Variants in TRPC5 observed in about 807,000 individuals in gnomAD.
The protein encoded by TRPC5 is short transient receptor potential channel 5.
TRPC5 carries 9 observed loss-of-function variants against 56.5 expected under a neutral mutation model. That is an observed-to-expected ratio of 0.16 (90% CI 0.10 to 0.28). TRPC5 has a LOEUF of 0.28. Among genes scored for constraint, TRPC5 ranks in the 10% least tolerant of loss-of-function variants. The pLI is 1.00. For missense variants in TRPC5, 469 were observed against 748.9 expected, an observed-to-expected ratio of 0.63 and a Z score of 4.36; for synonymous variants, 282 against 278.5, an observed-to-expected ratio of 1.01 and a Z score of -0.13.
chrX:112,018,966 T>C (rs1929197305), intron 1 of TRPC5, among the ~76,000 whole-genome samples: 1 of 112,687 alleles, frequency 8.9e-6, no homozygotes, highest in South Asian at 3.6e-4. Context: ...GTTTGCTTTC[T>C]TCCAAGTCAG....
At chrX:111,800,703 G>A (rs963282159) in intron 7 of TRPC5, among the ~76,000 whole-genome samples, 41 of 109,361 alleles carry the variant, frequency 3.7e-4, no homozygotes, top group African/African-American at 1.3e-3. Context: ...GCAGTGAGCC[G>A]AGATCATGCC....
At chrX:111,818,850 C>T (rs994298480) in intron 7 of TRPC5, among the ~76,000 whole-genome samples, 6 of 111,138 alleles carry the variant, frequency 5.4e-5, no homozygotes, top group African/African-American at 2.0e-4. Flanking sequence ...GTGATCCACC[C>T]GCCTCAGCCT....
intron 3 of TRPC5, among the ~76,000 whole-genome samples, chrX:111,893,078 G>A (rs1251292326): frequency 1.0e-5 from 1 of 98,587 alleles, no homozygotes; most frequent in Non-Finnish European, 2.0e-5. Flanking sequence ...TCAAATATAG[G>A]GTTTTTTTTT....
At chrX:111,994,550 C>T (rs1312604534) in intron 1 of TRPC5, among the ~76,000 whole-genome samples, 1 of 111,636 alleles carries the variant, frequency 9.0e-6, no homozygotes, top group Non-Finnish European at 1.9e-5. Context: ...GAATATTCTT[C>T]CATTTGTTTG....
At chrX:112,070,811 T>C (rs1373665636) in intron 1 of TRPC5, among the ~76,000 whole-genome samples, 2 of 110,098 alleles carry the variant, frequency 1.8e-5, no homozygotes, top group African/African-American at 6.7e-5. Context: ...TTCAAAAGTA[T>C]AGTTTCTATT....
Position 111,890,259 on chromosome X carries a change from C to T in TRPC5, c.900+22032G>A, listed in dbSNP as rs189563056. Among the ~76,000 whole-genome samples the T allele has an allele frequency of 3.4e-3, 375 of 111,803 alleles. 2 individuals are homozygous for T. The highest frequency in any genetic ancestry group is 0.012 in the African/African-American group (365 of 30,790). Reference sequence around the variant, plus strand: ...AAAGCAAGCTTGTCCAACCTGTGGCCCAGGACAGCTTTGAATACGGCCCAA... The same window carrying T: ...AAAGCAAGCTTGTCCAACCTGTGGCTCAGGACAGCTTTGAATACGGCCCAA... On this transcript the variant is annotated intron_variant, in intron 3 of 10. Coordinates refer to ENST00000262839, the MANE Select transcript of TRPC5 (RefSeq NM_012471.3).
chrX:112,029,985 G>T (rs143149727), intron 1 of TRPC5, among the ~76,000 whole-genome samples: 1 of 111,068 alleles, frequency 9.0e-6, no homozygotes, highest in Non-Finnish European at 1.9e-5. Flanking sequence ...GTGCAACCAC[G>T]CCTGGCTATT....
chrX:111,964,332 C>T (rs1603120448), intron 1 of TRPC5, among the ~76,000 whole-genome samples: 1 of 111,842 alleles, frequency 8.9e-6, no homozygotes, highest in Non-Finnish European at 1.9e-5. Flanking sequence ...TGTGAAAAGA[C>T]CAAATCTACG....
intron 1 of TRPC5, among the ~76,000 whole-genome samples, chrX:112,070,089 A>G (rs1930680452): frequency 8.9e-6 from 1 of 111,903 alleles, no homozygotes; most frequent in Non-Finnish European, 1.9e-5. Flanking sequence ...TGCAAACATA[A>G]TACGACACCA....
At chrX:111,877,246 A>T (rs1410530688) in intron 3 of TRPC5, among the ~76,000 whole-genome samples, 1 of 111,988 alleles carries the variant, frequency 8.9e-6, no homozygotes, top group Non-Finnish European at 1.9e-5. Flanking sequence ...AATTGACAAT[A>T]TCTAGCAATC....
intron 3 of TRPC5, among the ~76,000 whole-genome samples, chrX:111,872,206 A>G (rs1194906209): frequency 2.7e-5 from 3 of 112,278 alleles, no homozygotes; most frequent in Non-Finnish European, 5.6e-5. Flanking sequence ...AATGAACTAG[A>G]ATACCTAGTT....
intron 3 of TRPC5, among the ~76,000 whole-genome samples, chrX:111,865,896 T>C (rs1329814081): frequency 1.8e-5 from 2 of 112,845 alleles, no homozygotes. Flanking sequence ...CTCTTAACAT[T>C]GGAAGATTAC....
chrX:111,908,381 T>C (rs1414618985), intron 3 of TRPC5, among the ~76,000 whole-genome samples: 2 of 111,918 alleles, frequency 1.8e-5, no homozygotes, highest in African/African-American at 6.5e-5. Flanking sequence ...AAAATTGATG[T>C]ATGGCCATTG....
rs959337699 is a variant in TRPC5, at chrX:112,068,056, G to A, written c.-22+13823C>T. ...GGTTAGGAAATTTGCCATAATATTG[G>A]AAGTCTGACCTTGTCATTCTAAATG... On this transcript the variant is annotated intron_variant, in intron 1 of 10. Transcript: ENST00000262839. Among the ~76,000 whole-genome samples, 3 of 112,375 alleles carry A rather than the reference G, an allele frequency of 2.7e-5. No individual in the cohort carries two copies. The Admixed American group carries it at 2.8e-4, about 11-fold the overall frequency.
chrX:111,928,464 G>C (rs1926319209), intron 2 of TRPC5, among the ~76,000 whole-genome samples: 1 of 111,897 alleles, frequency 8.9e-6, no homozygotes, highest in South Asian at 3.8e-4. Context: ...AAACACTCAA[G>C]AACAATGTCC....
chrX:111,968,680 A>G (rs1050475605), intron 1 of TRPC5, among the ~76,000 whole-genome samples: 15 of 108,306 alleles, frequency 1.4e-4, no homozygotes, highest in Middle Eastern at 9.4e-3. Flanking sequence ...TTGTAGGGAC[A>G]TGGATGAAAC....
intron 7 of TRPC5, among the ~76,000 whole-genome samples, chrX:111,792,266 A>G (rs1273642285): frequency 9.1e-6 from 1 of 110,495 alleles, no homozygotes. Flanking sequence ...ATGAGAACAC[A>G]TGGACACAGA....
chrX:111,806,867 TTC>T (rs1389569631), intron 7 of TRPC5, among the ~76,000 whole-genome samples: 1 of 111,396 alleles, frequency 9.0e-6, no homozygotes, highest in African/African-American at 3.3e-5. Flanking sequence ...AGTTTTTTCC[TTC>T]AGCATTTTAA....
Position 111,844,535 on chromosome X carries a change from G to A in TRPC5, c.1700+2579C>T, listed in dbSNP as rs776440070. Among the ~76,000 whole-genome samples the A allele has an allele frequency of 2.4e-3, 246 of 102,377 alleles. 1 individual carries two copies. Among genetic ancestry groups the A allele is most frequent in the Middle Eastern group, 5.2e-3 (1 of 192 alleles). The allele number at this position is 102,377 out of a possible 115,157, so 88.9% of individuals were successfully genotyped here. ...GAGTGGAGTGCAATGGCGTGATCTCGGCTCACTGCAACCTCTGCCTCCTGG... is the reference window on the plus strand; with the variant it reads ...GAGTGGAGTGCAATGGCGTGATCTCAGCTCACTGCAACCTCTGCCTCCTGG... On this transcript the variant is annotated intron_variant, in intron 6 of 10. Coordinates refer to ENST00000262839, the MANE Select transcript of TRPC5 (RefSeq NM_012471.3).
Sources: gnomAD v4.1 joint callset for allele counts (sites outside exome capture counted in the v4.1 genomes callset) on GRCh38, gnomAD v4.1.1 for gene constraint, MANE v1.5 for transcripts, NCBI Gene and HGNC (gene_info 2026-07-23, HGNC 2026-07-21) for gene names.